NTNG1: variants seen among roughly 807,000 people sequenced by gnomAD.
NTNG1 encodes netrin-G1.
Under a neutral mutation model 54.0 loss-of-function variants are expected in NTNG1, and 16 were observed. The observed-to-expected ratio is 0.30, with a 90% CI of 0.20 to 0.45. The LOEUF is 0.45. Among genes scored for constraint, NTNG1 ranks in the 20% least tolerant of loss-of-function variants. NTNG1 has a pLI of 1.00. For synonymous variants in NTNG1, 255 were observed against 263.1 expected (o/e 0.97, Z 0.30); for missense variants, 530 against 678.7 (o/e 0.78, Z 2.43).
chr1:107,207,153 G>A (rs750883925), intron 2 of NTNG1, among the ~76,000 whole-genome samples: 31 of 152,108 alleles, frequency 2.0e-4, no homozygotes, highest in Non-Finnish European at 3.5e-4. Context: ...GTCACTGTGG[G>A]TTTTGTTAAA....
At chr1:107,480,574 GC>G in intron 7 of NTNG1, 36 bp from the exon 8 acceptor site, 18 of 324,076 alleles carry the variant, frequency 5.6e-5, no homozygotes, top group East Asian at 2.1e-4. Flanking sequence ...TCTCCTCCCC[GC>G]GCCCACCCAC....
In NTNG1 at chr1:107,148,611, C is replaced by G; in HGVS notation, c.18C>G (p.Phe6Leu). The change falls in exon 2 of 8, where the codon TTC becomes TTG. Residue 6 changes from phenylalanine to leucine, a missense_variant. Phe to Leu is a conservative substitution (Grantham distance 22). Around this residue, in one of 2 missense-constraint regions of NTNG1, gnomAD observed 318 missense variants for 465.1 expected, o/e 0.68. Transcript: ENST00000370068. The stretch of plus-strand genomic sequence containing the variant: ...ATTTAGAGATGTATTTGTCAAGATT[C>G]CTGTCGATTCATGCCCTTTGGGTTA... MYLSR[F>L]LSIHALWVTV... The G allele has an allele frequency of 6.2e-7, 1 of 1,613,282 alleles. No homozygotes were observed. The highest frequency in any genetic ancestry group is 1.3e-5 in the African/African-American group (1 of 74,998).
intron 2 of NTNG1, among the ~76,000 whole-genome samples, chr1:107,189,932 G>C (rs1657780566): frequency 6.6e-6 from 1 of 152,026 alleles, no homozygotes; most frequent in Non-Finnish European, 1.5e-5. Context: ...TCCATTGACA[G>C]ATGAATGGAT....
intron 5 of NTNG1, among the ~76,000 whole-genome samples, chr1:107,420,415 G>A (rs1674498934): frequency 6.6e-6 from 1 of 152,030 alleles, no homozygotes; most frequent in African/African-American, 2.4e-5. Context: ...AAGAACATCA[G>A]GCTCTGTTCT....
rs1291761622 is a variant in NTNG1 at position 107,482,793 on chromosome 1, C to T, written c.*1953C>T. 2 of 152,174 alleles carry T rather than the reference C, an allele frequency of 1.3e-5. No individual in the cohort carries two copies. The highest frequency in any genetic ancestry group is 4.8e-5 in the African/African-American group (2 of 41,430). 9.4% of individuals were successfully genotyped at this position (152,174 alleles called of 1,614,324 possible). ...CCTGGGTAAAAACTAGATGAAGGAACAGCATGTCTTATTGGTTTTGTTCCC... is the reference window on the plus strand; with the variant it reads ...CCTGGGTAAAAACTAGATGAAGGAATAGCATGTCTTATTGGTTTTGTTCCC... On this transcript the variant is annotated 3_prime_UTR_variant, in exon 8 of 8. Coordinates refer to ENST00000370068, the MANE Select transcript of NTNG1 (RefSeq NM_001113226.3).
intron 2 of NTNG1, among the ~76,000 whole-genome samples, chr1:107,223,103 G>A (rs774774375): frequency 3.9e-5 from 6 of 152,016 alleles, no homozygotes; most frequent in Non-Finnish European, 7.4e-5. Context: ...GTAGGTCTGT[G>A]GTGGAATATG....
At position 107,384,650 on chromosome 1, in the gene NTNG1, A is replaced by G. The variant is rs1364888108; in HGVS notation, c.888-10504A>G. ...AAGAAAATCCCATCAACCAGGAGCTATATTAGGTACTCATTATACTTGTGA... is the reference window on the plus strand; with the variant it reads ...AAGAAAATCCCATCAACCAGGAGCTGTATTAGGTACTCATTATACTTGTGA... On this transcript the variant is annotated intron_variant, in intron 3 of 7. Transcript: ENST00000370068. Among the ~76,000 whole-genome samples the G allele has an allele frequency of 2.0e-5, 3 of 152,232 alleles. No individual in the cohort carries two copies. The East Asian group carries it at 5.8e-4, about 29-fold the overall frequency.
chr1:107,230,864 C>T (rs1661022006), intron 2 of NTNG1, among the ~76,000 whole-genome samples: 1 of 152,112 alleles, frequency 6.6e-6, no homozygotes. Context: ...AGATGCAGTA[C>T]TAACGAATTT....
At chr1:107,344,086 A>G (rs1669078756) in intron 3 of NTNG1, among the ~76,000 whole-genome samples, 1 of 152,138 alleles carries the variant, frequency 6.6e-6, no homozygotes, top group South Asian at 2.1e-4. Flanking sequence ...TAATTACATT[A>G]GTTTATTGAG....
chr1:107,297,086 G>GACACACAC (rs34213703), intron 2 of NTNG1, among the ~76,000 whole-genome samples: 4 of 137,400 alleles, frequency 2.9e-5, no homozygotes, highest in Non-Finnish European at 6.2e-5. Context: ...TACAGATGAG[G>GACACACAC]ACACACACAC....
chr1:107,392,631 G>C (rs1029020579), intron 3 of NTNG1, among the ~76,000 whole-genome samples: 1 of 152,076 alleles, frequency 6.6e-6, no homozygotes, highest in South Asian at 2.1e-4. Flanking sequence ...TTTGACAAGG[G>C]AGGCTGTGGA....
chr1:107,234,981 T>A (rs924927228), intron 2 of NTNG1, among the ~76,000 whole-genome samples: 5 of 152,216 alleles, frequency 3.3e-5, no homozygotes, highest in African/African-American at 1.2e-4. Flanking sequence ...AGAAGCTAAC[T>A]TTTATTGGGT....
chr1:107,372,616 T>A (rs923835383), intron 3 of NTNG1, among the ~76,000 whole-genome samples: 1 of 152,110 alleles, frequency 6.6e-6, no homozygotes, highest in East Asian at 1.9e-4. Context: ...GAATGCATAA[T>A]CTGATGTTTT....
chr1:107,265,891 T>C (rs1021129199), intron 2 of NTNG1, among the ~76,000 whole-genome samples: 1 of 152,202 alleles, frequency 6.6e-6, no homozygotes, highest in Non-Finnish European at 1.5e-5. Flanking sequence ...TTTAATTCAA[T>C]ATCCAGTAAT....
chr1:107,380,106 C>G (rs1250785552), intron 3 of NTNG1, among the ~76,000 whole-genome samples: 1 of 152,186 alleles, frequency 6.6e-6, no homozygotes, highest in Non-Finnish European at 1.5e-5. Flanking sequence ...CTGCAGTGAC[C>G]TTCAGGGGAG....
Position 107,482,063 on chromosome 1 carries a change from A to AAAAAAAAAAAAAAAAAAAAAAAAAAAAAT in NTNG1, c.*1242_*1243insAAAAAAAAATAAAAAAAAAAAAAAAAAAA, listed in dbSNP as rs1678758776. ...GGGAAAAATTACAACAGCAAAAAAA[A>AAAAAAAAAAAAAAAAAAAAAAAAAAAAAT]AAAAAAAAAAAAAAAAAAATCTAAG... On this transcript the variant is annotated 3_prime_UTR_variant, in exon 8 of 8. Coordinates refer to ENST00000370068, the MANE Select transcript of NTNG1 (RefSeq NM_001113226.3). 2.8e-5 allele frequency: 1 copy of AAAAAAAAAAAAAAAAAAAAAAAAAAAAAT among 35,148 alleles called. No individual in the cohort carries two copies. The highest frequency in any genetic ancestry group is 5.9e-5 in the Non-Finnish European group (1 of 16,858). 2.2% of individuals were successfully genotyped at this position (35,148 alleles called of 1,614,324 possible). A position where few individuals can be genotyped will look rare whatever the true frequency, so the allele number is the denominator to read the frequency against.
chr1:107,324,317 G>A lies in NTNG1; in HGVS notation c.282G>A (p.Ala94=), dbSNP rs1230131006. 5.6e-6 allele frequency: 9 copies of A among 1,613,314 alleles called. No homozygotes were observed. The highest frequency in any genetic ancestry group is 5.3e-5 in the African/African-American group (4 of 74,784). ...NPYMCNNECD[A]STPELAHPPE... ...ACATGTGCAATAATGAGTGTGATGC[G>A]AGTACCCCTGAGCTGGCACACCCCC... Residue 94 remains alanine (A), a synonymous_variant, in exon 3 of 8, where the codon GCG becomes GCA. Coordinates refer to ENST00000370068, the MANE Select transcript of NTNG1 (RefSeq NM_001113226.3).
intron 3 of NTNG1, among the ~76,000 whole-genome samples, chr1:107,345,860 C>G (rs1669189615): frequency 6.6e-6 from 1 of 152,108 alleles, no homozygotes; most frequent in Admixed American, 6.6e-5. Flanking sequence ...CATTTCCAGA[C>G]TGAGGGTATA....
intron 7 of NTNG1, among the ~76,000 whole-genome samples, chr1:107,466,688 C>T (rs1232810302): frequency 1.3e-5 from 2 of 152,130 alleles, no homozygotes; most frequent in Non-Finnish European, 2.9e-5. Flanking sequence ...ACATCTTTTC[C>T]CTGTGTTTTA....
Sources: gnomAD v4.1 joint callset for allele counts (sites outside exome capture counted in the v4.1 genomes callset) on GRCh38, gnomAD v4.1.1 for gene constraint, gnomAD v4.1.1 regional missense constraint, MANE v1.5 for transcripts, NCBI Gene and HGNC (gene_info 2026-07-23, HGNC 2026-07-21) for gene names.